The following OVCH1 variants were observed in gnomAD, a reference collection of about 807,000 sequenced individuals.
OVCH1 encodes the protein ovochymase-1.
A neutral mutation model predicts 138.4 loss-of-function variants in OVCH1; 139 were observed. The ratio of observed to expected loss-of-function variants is 1.00; its 90% CI spans 0.87 to 1.16. The LOEUF is 1.16. OVCH1 is among the 50% of genes most tolerant of loss of function. OVCH1 has a pLI of 0.00. For synonymous variants in OVCH1, 453 were observed against 467.8 expected, an observed-to-expected ratio of 0.97 and a Z score of 0.41; for missense variants, 1,367 against 1,357.9, an observed-to-expected ratio of 1.01 and a Z score of -0.11.
intron 26 of OVCH1, among the ~76,000 whole-genome samples, chr12:29,435,819 C>G (rs571607312): frequency 3.3e-5 from 5 of 152,286 alleles, no homozygotes; most frequent in African/African-American, 1.2e-4. Flanking sequence ...CTCCCTGTAA[C>G]TGCTCCACTA....
intron 5 of OVCH1, among the ~76,000 whole-genome samples, 176 bp downstream of exon 5, chr12:29,490,921 A>G (rs1380912587): frequency 1.3e-5 from 2 of 152,360 alleles, no homozygotes; most frequent in East Asian, 3.9e-4. Flanking sequence ...TGATATGAAT[A>G]GCCTTTTTAA....
At chr12:29,494,928 T>C (rs1412461188) in intron 4 of OVCH1, among the ~76,000 whole-genome samples, 2 of 152,174 alleles carry the variant, frequency 1.3e-5, no homozygotes, top group East Asian at 3.8e-4. Flanking sequence ...GTTCCTAGCA[T>C]ATACAAAAAG....
intron 26 of OVCH1, among the ~76,000 whole-genome samples, chr12:29,434,716 C>T (rs1352690469): frequency 6.6e-6 from 1 of 151,132 alleles, no homozygotes; most frequent in East Asian, 1.9e-4. Context: ...TCCCCAACAA[C>T]AAAAAAAAAC....
chr12:29,406,992 G>A, the OVCH1 span, among the ~76,000 whole-genome samples: 3 of 151,064 alleles, frequency 2.0e-5, no homozygotes, highest in African/African-American at 7.3e-5. Context: ...TTTAATGATT[G>A]CCATTCTAAC....
intron 1 of OVCH1, 108 bp downstream of exon 1, chr12:29,497,515 G>C (rs1943451647): frequency 2.3e-6 from 3 of 1,288,308 alleles, no homozygotes; most frequent in African/African-American, 3.0e-5. Flanking sequence ...AAATGCCTCA[G>C]GTGTGGCTAT....
chr12:29,446,873 T>G (rs758636448), intron 22 of OVCH1, among the ~76,000 whole-genome samples: 4 of 152,104 alleles, frequency 2.6e-5, no homozygotes, highest in Non-Finnish European at 1.5e-5. Flanking sequence ...TTTTTAAGCA[T>G]GAAAGCAATG....
intron 16 of OVCH1, among the ~76,000 whole-genome samples, chr12:29,467,207 G>A (rs928068027): frequency 6.6e-6 from 1 of 152,136 alleles, no homozygotes. Context: ...TTACTTAGTA[G>A]TGAAGAAACT....
At chr12:29,437,985 A>AG (rs1941395867) in intron 26 of OVCH1, among the ~76,000 whole-genome samples, 1 of 152,160 alleles carries the variant, frequency 6.6e-6, no homozygotes, top group African/African-American at 2.4e-5. Context: ...TAATTACTTC[A>AG]GACTTTTCTC....
chr12:29,475,190 C>A lies in OVCH1; in HGVS notation c.1472-1G>T. 1.4e-6 allele frequency: 2 copies of A among 1,445,250 alleles called. No individual in the cohort carries two copies. Among genetic ancestry groups the A allele is most frequent in the Non-Finnish European group, 1.8e-6 (2 of 1,094,644 alleles). 89.5% of individuals were successfully genotyped at this position (1,445,250 alleles called of 1,614,324 possible). Reference sequence around the variant, plus strand: ...ATGGTCAACATTCCACAAAGTTTAGCTGAAAAAATTTTAGGAAAGTTTGAT... The same window carrying A: ...ATGGTCAACATTCCACAAAGTTTAGATGAAAAAATTTTAGGAAAGTTTGAT... On this transcript the variant is annotated splice_acceptor_variant, in intron 13 of 27. Transcript: ENST00000318184. LOFTEE classifies it high-confidence loss of function.
intron 3 of OVCH1, among the ~76,000 whole-genome samples, chr12:29,418,675 TGAGTATAGAGA>T (rs928267345): frequency 2.6e-5 from 4 of 152,016 alleles, no homozygotes; most frequent in Non-Finnish European, 5.9e-5. Context: ...AAAGCCAAGG[TGAGTATAGAGA>T]GGTTTCACTG....
intron 21 of OVCH1, among the ~76,000 whole-genome samples, chr12:29,453,781 C>T (rs1941865009): frequency 6.6e-6 from 1 of 152,074 alleles, no homozygotes; most frequent in African/African-American, 2.4e-5. Context: ...TAAGTCTACC[C>T]TCTACCTACT....
intron 3 of OVCH1, among the ~76,000 whole-genome samples, chr12:29,413,980 G>GT (rs1314647537): frequency 1.4e-5 from 2 of 142,952 alleles, no homozygotes; most frequent in Non-Finnish European, 3.0e-5. Context: ...GCCAACATAT[G>GT]TTTTTTAACC....
chr12:29,496,590 C>T lies in OVCH1; in HGVS notation c.149G>A (p.Trp50Ter), dbSNP rs1943424279. 1 of 1,613,274 alleles carries T rather than the reference C, an allele frequency of 6.2e-7. No homozygotes were observed. Among genetic ancestry groups the T allele is most frequent in the Non-Finnish European group, 8.5e-7 (1 of 1,179,340 alleles). ...ATGTCCAGTCACTGTTGAATTTCTCCAACTACTAATTCTAGAGAAGAATCT... is the reference window on the plus strand; with the variant it reads ...ATGTCCAGTCACTGTTGAATTTCTCTAACTACTAATTCTAGAGAAGAATCT... The change falls in exon 2 of 28, where the codon TGG becomes TAG. Residue 50 changes from tryptophan to a stop codon, truncating the protein, a stop_gained. Transcript: ENST00000318184. LOFTEE classifies it high-confidence loss of function.
chr12:29,444,742 TA>T (rs202212248), intron 23 of OVCH1, among the ~76,000 whole-genome samples: 3 of 151,426 alleles, frequency 2.0e-5, no homozygotes, highest in South Asian at 2.1e-4. Flanking sequence ...ACATCAAGAA[TA>T]AAAAAAAATC....
At chr12:29,439,081 T>C (rs1941418931) in intron 26 of OVCH1, among the ~76,000 whole-genome samples, 1 of 152,190 alleles carries the variant, frequency 6.6e-6, no homozygotes, top group South Asian at 2.1e-4. Flanking sequence ...AAATCTCGAC[T>C]CTTATCAGCC....
intron 27 of OVCH1, among the ~76,000 whole-genome samples, chr12:29,431,913 G>A (rs1436312): frequency 0.091 from 13,811 of 152,168 alleles, 647 homozygotes; most frequent in African/African-American, 0.12. Context: ...AAATAGACAC[G>A]TTTGTTAACC....
chr12:29,452,829 G>T (rs1046419309), intron 21 of OVCH1, among the ~76,000 whole-genome samples: 6 of 152,128 alleles, frequency 3.9e-5, no homozygotes, highest in Non-Finnish European at 7.4e-5. Flanking sequence ...GAGTGGGTGG[G>T]TGTTAAATAT....
In OVCH1 at chr12:29,444,282, TA is replaced by T; in HGVS notation, c.2882-3del. ...TGGTTATTTTACTGTCCTTTGGACC[TA>T]AAAGAACAGGAAGCAGAGAAAATGA... On this transcript the variant is annotated splice_polypyrimidine_tract_variant and splice_region_variant and intron_variant, in intron 23 of 27. Coordinates refer to ENST00000318184, the Ensembl canonical transcript of OVCH1. 1.2e-6 allele frequency: 2 copies of T among 1,609,454 alleles called. No homozygotes were observed. The highest frequency in any genetic ancestry group is 1.7e-6 in the Non-Finnish European group (2 of 1,177,796).
intron 27 of OVCH1, chr12:29,427,692 G>A: frequency 1.3e-6 from 2 of 1,540,468 alleles, no homozygotes; most frequent in African/African-American, 1.4e-5. Flanking sequence ...TCAGTCTATG[G>A]TATTTGTTAT....
Sources: allele counts gnomAD v4.1 joint callset (sites outside exome capture counted in the v4.1 genomes callset), GRCh38; gene constraint gnomAD v4.1.1; transcripts MANE v1.5; gene names NCBI Gene and HGNC (gene_info 2026-07-23, HGNC 2026-07-21).